The following DPP10 variants were observed in gnomAD, a reference collection of about 807,000 sequenced individuals.
DPP10 encodes the protein inactive dipeptidyl peptidase 10.
In DPP10, 33 loss-of-function variants were observed where a neutral mutation model predicts 120.9. The observed-to-expected ratio is 0.27, with a 90% confidence interval of 0.21 to 0.37. DPP10 has a LOEUF of 0.37. Among genes scored for constraint, DPP10 ranks in the 10% least tolerant of loss-of-function variants. The pLI, the probability that DPP10 is intolerant of heterozygous loss-of-function variation, is 1.00. For missense variants in DPP10, 816 were observed against 942.8 expected (o/e 0.87, Z 1.76); for synonymous variants, 337 against 326.1 (o/e 1.03, Z -0.36).
At chr2:114,559,800 G>A (rs1688609737) in intron 1 of DPP10, among the ~76,000 whole-genome samples, 1 of 150,456 alleles carries the variant, frequency 6.6e-6, no homozygotes, top group African/African-American at 2.4e-5. Flanking sequence ...GGCCTTGAGG[G>A]TGAGTAGTTA....
intron 1 of DPP10, among the ~76,000 whole-genome samples, chr2:114,519,972 G>A (rs1573551303): frequency 9.1e-6 from 1 of 109,850 alleles, no homozygotes; most frequent in South Asian, 3.1e-4. Flanking sequence ...AATCTTCCCA[G>A]TAGCACGTAT....
At chr2:114,718,227 C>T (rs1230409594) in intron 1 of DPP10, among the ~76,000 whole-genome samples, 3 of 151,626 alleles carry the variant, frequency 2.0e-5, no homozygotes, top group Non-Finnish European at 4.4e-5. Flanking sequence ...GTCCTATAGC[C>T]TTCAATATGA....
At chr2:115,664,942 TGTCTC>T (rs1170642369) in intron 5 of DPP10, among the ~76,000 whole-genome samples, 11,585 of 151,998 alleles carry the variant, frequency 0.076, 621 homozygotes, top group Non-Finnish European at 0.11. Context: ...GTACTAGCCA[TGTCTC>T]AAGTGCTCTA....
chr2:114,838,019 G>A (rs1687875823), intron 1 of DPP10, among the ~76,000 whole-genome samples: 1 of 152,220 alleles, frequency 6.6e-6, no homozygotes, highest in South Asian at 2.1e-4. Flanking sequence ...TCCAATGAAA[G>A]TGTACTAGGT....
intron 1 of DPP10, among the ~76,000 whole-genome samples, chr2:115,169,825 C>G (rs1277907282): frequency 6.6e-6 from 1 of 152,136 alleles, no homozygotes; most frequent in African/African-American, 2.4e-5. Flanking sequence ...CTGGTTTTCT[C>G]AGGTCAAGAC....
chr2:114,480,096 A>G (rs140156881), intron 1 of DPP10, among the ~76,000 whole-genome samples: 1 of 152,150 alleles, frequency 6.6e-6, no homozygotes, highest in African/African-American at 2.4e-5. Flanking sequence ...CCAAAACACA[A>G]ATGAAAGAAT....
chr2:115,719,462 A>T (rs889590138), intron 7 of DPP10, among the ~76,000 whole-genome samples: 4 of 152,194 alleles, frequency 2.6e-5, no homozygotes, highest in Non-Finnish European at 5.9e-5. Flanking sequence ...GAGTTGTTCT[A>T]TGTCTCAGAG....
intron 1 of DPP10, among the ~76,000 whole-genome samples, chr2:114,807,494 A>G (rs925315195): frequency 2.0e-5 from 3 of 152,262 alleles, no homozygotes; most frequent in Non-Finnish European, 4.4e-5. Flanking sequence ...GAATACTAGA[A>G]CTTACTTCTA....
At chr2:115,744,103 G>A (rs1677643659) in intron 9 of DPP10, among the ~76,000 whole-genome samples, 1 of 150,674 alleles carries the variant, frequency 6.6e-6, no homozygotes, top group African/African-American at 2.4e-5. Flanking sequence ...TGGGAATTTT[G>A]TAAAAACAGA....
In DPP10 at chr2:114,544,680, T is replaced by A. The variant is rs2195606; in HGVS notation, c.60+101842T>A. Among the ~76,000 whole-genome samples the A allele has an allele frequency of 8.6e-3, 1,308 of 151,710 alleles. 18 individuals are homozygous for A. The highest frequency in any genetic ancestry group is 0.031 in the African/African-American group (1,265 of 41,194). ...AATGATATAATAATATATTAAAATT[T>A]ATACATTAAGCGTAATAATTAAGTG... On this transcript the variant is annotated intron_variant, in intron 1 of 25. Transcript: ENST00000410059.
intron 1 of DPP10, among the ~76,000 whole-genome samples, chr2:115,134,756 G>A (rs2050561344): frequency 6.6e-6 from 1 of 152,100 alleles, no homozygotes; most frequent in African/African-American, 2.4e-5. Flanking sequence ...TGACTGGAAG[G>A]AAACACCACA....
chr2:114,877,848 C>T (rs998541673), intron 1 of DPP10, among the ~76,000 whole-genome samples: 1 of 151,792 alleles, frequency 6.6e-6, no homozygotes, highest in Non-Finnish European at 1.5e-5. Context: ...TGTTTAGAAC[C>T]ATTCCTGGCC....
intron 21 of DPP10, among the ~76,000 whole-genome samples, chr2:115,816,484 C>T (rs1309388943): frequency 1.3e-5 from 2 of 152,202 alleles, no homozygotes; most frequent in East Asian, 1.9e-4. Flanking sequence ...TGCATAATTA[C>T]GTCATCTGTG....
intron 5 of DPP10, among the ~76,000 whole-genome samples, chr2:115,553,394 G>A (rs2079999161): frequency 6.6e-6 from 1 of 151,782 alleles, no homozygotes; most frequent in African/African-American, 2.4e-5. Context: ...ACTATTTTCA[G>A]GATTAAGAAG....
intron 1 of DPP10, among the ~76,000 whole-genome samples, chr2:114,514,001 G>T (rs925290176): frequency 6.6e-6 from 1 of 152,148 alleles, no homozygotes; most frequent in South Asian, 2.1e-4. Context: ...GGTTTGAATC[G>T]AAAGCAGGGT....
intron 1 of DPP10, among the ~76,000 whole-genome samples, chr2:115,301,321 A>G (rs1223410488): frequency 6.6e-6 from 1 of 151,800 alleles, no homozygotes; most frequent in Non-Finnish European, 1.5e-5. Context: ...TGAGATTCAA[A>G]CTATATATTC....
intron 1 of DPP10, among the ~76,000 whole-genome samples, chr2:114,451,827 C>T (rs1199792398): frequency 1.3e-5 from 2 of 152,034 alleles, no homozygotes; most frequent in Non-Finnish European, 2.9e-5. Context: ...TTTGTGTCTT[C>T]AAGTAAAATA....
chr2:115,266,547 A>G (rs2059469540), intron 1 of DPP10, among the ~76,000 whole-genome samples: 1 of 152,184 alleles, frequency 6.6e-6, no homozygotes, highest in Non-Finnish European at 1.5e-5. Context: ...CATTTCACAC[A>G]TTATAGGTTC....
intron 2 of DPP10, among the ~76,000 whole-genome samples, chr2:115,338,391 A>G (rs2063272675): frequency 6.6e-6 from 1 of 152,164 alleles, no homozygotes; most frequent in African/African-American, 2.4e-5. Flanking sequence ...TTATTTCATA[A>G]TGGAAAAAAA....
Sources: allele counts gnomAD v4.1 joint callset (sites outside exome capture counted in the v4.1 genomes callset), GRCh38; gene constraint gnomAD v4.1.1; transcripts MANE v1.5; gene names NCBI Gene and HGNC (gene_info 2026-07-23, HGNC 2026-07-21).